CLEC2A: variants seen among roughly 807,000 people sequenced by gnomAD.
CLEC2A encodes the protein keratinocyte-associated C-type lectin.
A neutral mutation model predicts 18.6 loss-of-function variants in CLEC2A; 19 were observed. That is an observed-to-expected ratio of 1.02 (90% CI 0.71 to 1.50). CLEC2A has a LOEUF of 1.50. CLEC2A is among the 40% of genes most tolerant of loss of function. The pLI, the probability that CLEC2A is intolerant of heterozygous loss-of-function variation, is 0.00. For missense variants in CLEC2A, 190 were observed against 207.9 expected, an observed-to-expected ratio of 0.91 and a Z score of 0.53; for synonymous variants, 74 against 64.0, an observed-to-expected ratio of 1.16 and a Z score of -0.75.
intron 4 of CLEC2A, chr12:9,899,016 T>C (rs1047002055): frequency 4.3e-6 from 3 of 702,288 alleles, no homozygotes; most frequent in Middle Eastern, 2.3e-4. Flanking sequence ...TTAGAAAACA[T>C]ATATCAAAAC....
intron 2 of CLEC2A, among the ~76,000 whole-genome samples, chr12:9,922,652 A>G (rs1467727081): frequency 6.6e-6 from 1 of 152,234 alleles, no homozygotes; most frequent in African/African-American, 2.4e-5. Flanking sequence ...AACTTGCCAT[A>G]AAGGACAACA....
At chr12:9,929,446 T>G (rs1429830323) in intron 1 of CLEC2A, among the ~76,000 whole-genome samples, 1 of 152,178 alleles carries the variant, frequency 6.6e-6, no homozygotes, top group South Asian at 2.1e-4. Context: ...AATTTTTCTA[T>G]TCCTAGTTTC....
chr12:9,890,419 T>C, the CLEC2A span, among the ~76,000 whole-genome samples: 1 of 152,180 alleles, frequency 6.6e-6, no homozygotes, highest in Non-Finnish European at 1.5e-5. Context: ...TTCCAAGCTC[T>C]CTCTTACGGT....
At chr12:9,881,018 T>C in the CLEC2A span, among the ~76,000 whole-genome samples, 1 of 152,218 alleles carries the variant, frequency 6.6e-6, no homozygotes, top group African/African-American at 2.4e-5. Flanking sequence ...CAAAAAAGTT[T>C]AAAAAGTTAA....
chr12:9,886,435 T>A, the CLEC2A span, among the ~76,000 whole-genome samples: 2 of 152,066 alleles, frequency 1.3e-5, no homozygotes, highest in East Asian at 3.8e-4. Context: ...GATAGCATAA[T>A]GCTATTGGAT....
the CLEC2A span, among the ~76,000 whole-genome samples, chr12:9,882,581 C>T: frequency 6.6e-6 from 1 of 152,054 alleles, no homozygotes. Flanking sequence ...AATTCGAGAC[C>T]AGCCTGGCCA....
downstream of CLEC2A, among the ~76,000 whole-genome samples, chr12:9,896,654 T>C (rs1475664329): frequency 6.6e-6 from 1 of 152,164 alleles, no homozygotes; most frequent in African/African-American, 2.4e-5. Flanking sequence ...TCTTTATTCT[T>C]TAAAGCTTTA....
At chr12:9,929,414 C>A (rs1863335922) in intron 1 of CLEC2A, among the ~76,000 whole-genome samples, 1 of 152,004 alleles carries the variant, frequency 6.6e-6, no homozygotes, top group South Asian at 2.1e-4. Context: ...ATTTAACATA[C>A]AACATTAGCA....
the CLEC2A span, among the ~76,000 whole-genome samples, chr12:9,889,543 C>T: frequency 1.3e-5 from 2 of 152,164 alleles, no homozygotes; most frequent in African/African-American, 4.8e-5. Context: ...ATTAATTTTT[C>T]CTGGGTTTTC....
rs766541724 is a variant in CLEC2A, at chr12:9,916,704, C to G, written c.406G>C (p.Gly136Arg). ...WKWTNGTTFNGWFEIIGNGSF... is the reference protein window; with the variant it reads ...WKWTNGTTFNRWFEIIGNGSF... ...GCTAATACATTGGAAACTCACCAAC[C>G]ATTGAATGTGGTGCCATTTGTCCAT... The change falls in exon 4 of 5, where the codon GGT becomes CGT. Residue 136 changes from glycine (G) to arginine (R), a missense_variant. Gly to Arg is a moderately radical substitution (Grantham distance 125). Transcript: ENST00000455827. 20 of 1,536,156 alleles carry G rather than the reference C, an allele frequency of 1.3e-5. No homozygotes were observed. In the South Asian group the frequency reaches 2.3e-4, roughly 17 times the overall value.
chr12:9,922,125 T>G lies in CLEC2A; in HGVS notation c.247A>C (p.Lys83Gln). The G allele has an allele frequency of 6.4e-7, 1 of 1,551,268 alleles. No individual in the cohort carries two copies. Among genetic ancestry groups the G allele is most frequent in the Non-Finnish European group, 8.7e-7 (1 of 1,146,712 alleles). The part of the protein sequence containing the change: ...SDDTRNWTAS[K>Q]IFCSLQKAEL... Reference sequence around the variant, plus strand: ...GCTTTCTGCAAACTACAAAATATTTTACTGGCTGTCCAATTTCTGGTATCA... The same window carrying G: ...GCTTTCTGCAAACTACAAAATATTTGACTGGCTGTCCAATTTCTGGTATCA... The change falls in exon 3 of 5, where the codon AAA (lysine) becomes CAA (glutamine). Residue 83 changes from lysine to glutamine, a missense_variant. Coordinates refer to ENST00000455827, the MANE Select transcript of CLEC2A (RefSeq NM_001130711.2).
chr12:9,899,118 AG>A, intron 4 of CLEC2A: 2 of 512,042 alleles, frequency 3.9e-6, no homozygotes, highest in Non-Finnish European at 3.5e-6. Context: ...AAGCCCTACT[AG>A]TAAAAAAAAA....
chr12:9,892,978 G>T, the CLEC2A span: 1 of 1,435,026 alleles, frequency 7.0e-7, no homozygotes, highest in Non-Finnish European at 9.4e-7. Flanking sequence ...CTTCCCTGTT[G>T]GCTGTAAAGT....
At chr12:9,911,471 A>G (rs1862986388), downstream of CLEC2A, among the ~76,000 whole-genome samples, 1 of 152,230 alleles carries the variant, frequency 6.6e-6, no homozygotes. Context: ...GAAGCCAGCA[A>G]GTCCAAGAAT....
At chr12:9,914,093 T>C (rs2137033576) in intron 4 of CLEC2A, among the ~76,000 whole-genome samples, 1 of 152,366 alleles carries the variant, frequency 6.6e-6, no homozygotes, top group African/African-American at 2.4e-5. Context: ...TTTTCTGGCA[T>C]AATTTTAGGC....
At chr12:9,887,966 G>A in the CLEC2A span, among the ~76,000 whole-genome samples, 1 of 150,096 alleles carries the variant, frequency 6.7e-6, no homozygotes, top group Admixed American at 6.7e-5. Context: ...TGAGGCAAGA[G>A]GATGGCTTGA....
intron 2 of CLEC2A, among the ~76,000 whole-genome samples, chr12:9,924,134 A>C (rs2137049969): frequency 6.6e-6 from 1 of 152,214 alleles, no homozygotes; most frequent in South Asian, 2.1e-4. Flanking sequence ...AAAAGAAAAA[A>C]AGAAAAAATA....
downstream of CLEC2A, among the ~76,000 whole-genome samples, chr12:9,912,836 C>T (rs547092606): frequency 2.6e-5 from 4 of 152,248 alleles, no homozygotes; most frequent in African/African-American, 4.8e-5. Context: ...GAGTTTCTCC[C>T]GGGCACTGCT....
downstream of CLEC2A, among the ~76,000 whole-genome samples, chr12:9,894,134 C>CTT (rs1862725395): frequency 6.8e-6 from 1 of 146,598 alleles, no homozygotes; most frequent in African/African-American, 2.6e-5. Context: ...CTTTCTCTCT[C>CTT]TCTCTCTCTC....
Sources: gnomAD v4.1 joint callset for allele counts (sites outside exome capture counted in the v4.1 genomes callset) on GRCh38, gnomAD v4.1.1 for gene constraint, MANE v1.5 for transcripts, NCBI Gene and HGNC (gene_info 2026-07-23, HGNC 2026-07-21) for gene names.